The following MLF2 variants were observed in gnomAD, a reference collection of about 807,000 sequenced individuals.
MLF2 encodes myeloid leukemia factor 2.
MLF2 carries 12 observed loss-of-function variants against 31.4 expected under a neutral mutation model. That is an observed-to-expected ratio of 0.38 (90% CI 0.24 to 0.62). MLF2 has a LOEUF of 0.62. Ranked by LOEUF, MLF2 falls within the 20% of genes least tolerant of loss-of-function variation. The pLI, the probability that MLF2 is intolerant of heterozygous loss-of-function variation, is 0.58. For synonymous variants in MLF2, 109 were observed against 118.8 expected, an observed-to-expected ratio of 0.92 and a Z score of 0.54; for missense variants, 272 against 359.7, an observed-to-expected ratio of 0.76 and a Z score of 1.97.
rs1445595002 is a variant in MLF2, at chr12:6,752,949, T to A, written c.-39A>T. 4.4e-6 allele frequency: 1 copy of A among 227,412 alleles called. No individual in the cohort carries two copies. Among genetic ancestry groups the A allele is most frequent in the East Asian group, 8.6e-5 (1 of 11,616 alleles). The allele number at this position is 227,412 out of a possible 1,614,324, so 14.1% of individuals were successfully genotyped here. ...CTGCCCGAGCCTCACCAGTGCCCGATTCGGGCTCAGCGGCCCATCCGGCCG... is the reference window on the plus strand; with the variant it reads ...CTGCCCGAGCCTCACCAGTGCCCGAATCGGGCTCAGCGGCCCATCCGGCCG... On this transcript the variant is annotated 5_prime_UTR_variant, in exon 1 of 9. Transcript: ENST00000203630. This position sits in a 1 kb window ranked among gnomAD's most constrained non-coding sequence, Gnocchi z 4.6.
Position 6,750,856 on chromosome 12 carries a change from C to T in MLF2, c.217-90G>A, listed in dbSNP as rs1047714078. On this transcript the variant is annotated intron_variant, in intron 4 of 8. Coordinates refer to ENST00000203630, the MANE Select transcript of MLF2 (RefSeq NM_001382226.1). This position sits in a 1 kb window ranked among gnomAD's most constrained non-coding sequence, Gnocchi z 5.3. ...TAGGAACCCACAACCCACATGGCTG[C>T]ACATTTCCTTTCTCTTCTTCCTTCA... 5.1e-5 allele frequency: 57 copies of T among 1,120,658 alleles called. No homozygotes were observed. Among genetic ancestry groups the T allele is most frequent in the Admixed American group, 5.5e-5 (3 of 54,074 alleles). The allele number at this position is 1,120,658 out of a possible 1,614,324, so 69.4% of individuals were successfully genotyped here.
rs1219353614 is a variant in MLF2, at chr12:6,750,963, C to A, written c.217-197G>T. On this transcript the variant is annotated intron_variant, in intron 4 of 8. Transcript: ENST00000203630. This position sits in a 1 kb window ranked among gnomAD's most constrained non-coding sequence, Gnocchi z 5.3. ...CCTCCTGTGAACTGCTGACCCCTTCCTCAGTCTCTGTGACTGCTGTGATCC... is the reference window on the plus strand; with the variant it reads ...CCTCCTGTGAACTGCTGACCCCTTCATCAGTCTCTGTGACTGCTGTGATCC... 5.2e-6 allele frequency: 3 copies of A among 582,150 alleles called. No individual in the cohort carries two copies. The highest frequency in any genetic ancestry group is 9.4e-6 in the Non-Finnish European group (3 of 320,382). The allele number at this position is 582,150 out of a possible 1,614,324, so 36.1% of individuals were successfully genotyped here.
In MLF2 at chr12:6,749,385, C is replaced by T. The variant is rs1941575141; in HGVS notation, c.560-403G>A. ...AAGACACCGCCAGCACCTGACTCCG[C>T]CCGAGCGGAGGAGGCTCCAAGTGCG... On this transcript the variant is annotated intron_variant, in intron 7 of 8. Transcript: ENST00000203630. This position sits in a 1 kb window ranked among gnomAD's most constrained non-coding sequence, Gnocchi z 5.3. Among the ~76,000 whole-genome samples, 1 of 152,238 alleles carries T rather than the reference C, an allele frequency of 6.6e-6. No homozygotes were observed. Among genetic ancestry groups the T allele is most frequent in the Non-Finnish European group, 1.5e-5 (1 of 68,048 alleles).
At chr12:6,751,738 C>T (rs1339670345) in intron 3 of MLF2, 62 bp from the exon 4 acceptor site, 10 of 1,602,392 alleles carry the variant, frequency 6.2e-6, no homozygotes, top group African/African-American at 2.7e-5. Flanking sequence ...CAATCCCAAA[C>T]CAGGCCCATG....
At chr12:6,751,710 C>A in intron 3 of MLF2, 34 bp from the exon 4 acceptor site, 2 of 1,612,370 alleles carry the variant, frequency 1.2e-6, no homozygotes, top group Non-Finnish European at 1.7e-6. Context: ...AAATTAGAGA[C>A]CACATCCTAT....
Position 6,750,285 on chromosome 12 carries a change from G to T in MLF2, c.291C>A (p.Gly97=). The T allele has an allele frequency of 6.2e-7, 1 of 1,614,160 alleles. No individual in the cohort carries two copies. Among genetic ancestry groups the T allele is most frequent in the South Asian group, 1.1e-5 (1 of 91,070 alleles). ...TGGAAGATGAGAAGGTCTGGCAATT[G>T]CCTCCAGCTGTCATGTGTTCCTGAG... ...IGNMEHMTAG[G]NCQTFSSSTV... is the part of the protein sequence containing the mutation. Residue 97 remains glycine, a synonymous_variant, in exon 6 of 9, where the codon GGC becomes GGA. Coordinates refer to ENST00000203630, the MANE Select transcript of MLF2 (RefSeq NM_001382226.1). The surrounding 1 kb of genome is among the most constrained non-coding windows in gnomAD (Gnocchi z 5.3).
Position 6,749,713 on chromosome 12 carries a change from G to C in MLF2, c.559+135C>G, listed in dbSNP as rs539320125. On this transcript the variant is annotated intron_variant, in intron 7 of 8. Transcript: ENST00000203630. The surrounding 1 kb of genome is among the most constrained non-coding windows in gnomAD (Gnocchi z 5.3). The stretch of plus-strand genomic sequence containing the variant: ...CTGGGCACCTGGGCAACAAGAGCGA[G>C]ACTCCATCTCAAAAAAAAAAAAAAA... 6 of 1,215,480 alleles carry C rather than the reference G, an allele frequency of 4.9e-6. No individual in the cohort carries two copies. In the African/African-American group the frequency reaches 9.4e-5, roughly 19 times the overall value. 75.3% of individuals were successfully genotyped at this position (1,215,480 alleles called of 1,614,324 possible).
rs900643230 is a variant in MLF2, at chr12:6,750,895, C to A, written c.217-129G>T. ...CTTCTTCCTTCACATCTAGCAAGTTCTCTTTCTCATTCTGTTAAAATAACC... is the reference window on the plus strand; with the variant it reads ...CTTCTTCCTTCACATCTAGCAAGTTATCTTTCTCATTCTGTTAAAATAACC... On this transcript the variant is annotated intron_variant, in intron 4 of 8. Transcript: ENST00000203630. The surrounding 1 kb of genome is among the most constrained non-coding windows in gnomAD (Gnocchi z 5.3). The A allele has an allele frequency of 8.9e-6, 7 of 784,698 alleles. No homozygotes were observed. The highest frequency in any genetic ancestry group is 2.1e-5 in the Admixed American group (1 of 47,512). The allele number at this position is 784,698 out of a possible 1,614,324, so 48.6% of individuals were successfully genotyped here.
Position 6,753,021 on chromosome 12 carries a change from G to C in MLF2, c.-111C>G, listed in dbSNP as rs2137785299. ...CAGGGTCAGGGTCGCGGCCCGGAAC[G>C]TGGGGATTGGTCCGGGCTTGAGCTC... On this transcript the variant is annotated 5_prime_UTR_variant, in exon 1 of 9. Coordinates refer to ENST00000203630, the MANE Select transcript of MLF2 (RefSeq NM_001382226.1). The C allele has an allele frequency of 2.8e-6, 1 of 353,038 alleles. No homozygotes were observed. Among genetic ancestry groups the C allele is most frequent in the Admixed American group, 4.7e-5 (1 of 21,150 alleles). The allele number at this position is 353,038 out of a possible 1,614,324, so 21.9% of individuals were successfully genotyped here.
At position 6,748,949 on chromosome 12, in the gene MLF2, C is replaced by T. The variant is rs1227659910; in HGVS notation, c.593G>A (p.Arg198Gln). ...CTGCTGCCGGAATCGGGAGGTCTCCCGCCGCCACTCGTCATCAAACGCTGC... is the reference window on the plus strand; with the variant it reads ...CTGCTGCCGGAATCGGGAGGTCTCCTGCCGCCACTCGTCATCAAACGCTGC... Reference protein sequence around the residue: ...EAAAFDDEWRRETSRFRQQRP... With the variant: ...EAAAFDDEWRQETSRFRQQRP... The change falls in exon 8 of 9, where the codon CGG (arginine) becomes CAG (glutamine). Residue 198 changes from arginine to glutamine, a missense_variant. By Grantham distance (43) the Arg-to-Gln change is conservative. Coordinates refer to ENST00000203630, the MANE Select transcript of MLF2 (RefSeq NM_001382226.1). This position sits in a 1 kb window ranked among gnomAD's most constrained non-coding sequence, Gnocchi z 4.6. The T allele has an allele frequency of 1.1e-5, 17 of 1,601,208 alleles. No individual in the cohort carries two copies. Among genetic ancestry groups the T allele is most frequent in the South Asian group, 3.4e-5 (3 of 89,370 alleles).
Position 6,748,610 on chromosome 12 carries a change from G to A in MLF2, c.*26-63C>T, listed in dbSNP as rs909815704. On this transcript the variant is annotated intron_variant, in intron 8 of 8. Coordinates refer to ENST00000203630, the MANE Select transcript of MLF2 (RefSeq NM_001382226.1). The surrounding 1 kb of genome is among the most constrained non-coding windows in gnomAD (Gnocchi z 4.6). ...AAGAAAAAACTTACGTTAAGAGCCA[G>A]GAGTTGGGGTTTAATCCCCTATGTC... 2.0e-5 allele frequency: 11 copies of A among 545,564 alleles called. 1 individual carries two copies. The South Asian group carries it at 2.0e-4, about 10-fold the overall frequency. The allele number at this position is 545,564 out of a possible 1,614,324, so 33.8% of individuals were successfully genotyped here.
In MLF2 at chr12:6,749,879, C is replaced by T. The variant is rs1257858566; in HGVS notation, c.528G>A (p.Glu176=). Residue 176 remains glutamate, a synonymous_variant, in exon 7 of 9, where the codon GAG becomes GAA. Transcript: ENST00000203630. This position sits in a 1 kb window ranked among gnomAD's most constrained non-coding sequence, Gnocchi z 5.3. ...CCAGGTTGATATAGTCCTGCCGCTC[C>T]TCCTGGTCCCCCGTGCGATGGTTTC... ...RSRNHRTGDQ[E]ERQDYINLDE... is the part of the protein sequence containing the mutation. 6.2e-7 allele frequency: 1 copy of T among 1,614,214 alleles called. No homozygotes were observed. The highest frequency in any genetic ancestry group is 1.1e-5 in the South Asian group (1 of 91,084).
chr12:6,751,706 G>C (rs370183253), intron 3 of MLF2, 30 bp from the exon 4 acceptor site: 75 of 1,613,134 alleles, frequency 4.6e-5, no homozygotes, highest in Non-Finnish European at 6.2e-5. Context: ...ACAGAAATTA[G>C]AGACCACATC....
At position 6,750,066 on chromosome 12, in the gene MLF2, A is replaced by G; in HGVS notation, c.400-59T>C. 4 of 1,611,694 alleles carry G rather than the reference A, an allele frequency of 2.5e-6. No individual in the cohort carries two copies. The highest frequency in any genetic ancestry group is 3.4e-6 in the Non-Finnish European group (4 of 1,178,222). On this transcript the variant is annotated intron_variant, in intron 6 of 8. Transcript: ENST00000203630. The surrounding 1 kb of genome is among the most constrained non-coding windows in gnomAD (Gnocchi z 5.3). The stretch of plus-strand genomic sequence containing the variant: ...CCCCTTCCAAAGCCCTGCCTATACC[A>G]TCTCAGGATAAACACACCACACACA...
In MLF2 at chr12:6,750,262, G is replaced by A. The variant is rs1473210899; in HGVS notation, c.314C>T (p.Ser105Phe). The A allele has an allele frequency of 6.2e-7, 1 of 1,614,196 alleles. No homozygotes were observed. The highest frequency in any genetic ancestry group is 8.5e-7 in the Non-Finnish European group (1 of 1,180,034). The change falls in exon 6 of 9, where the codon TCC (serine) becomes TTC (phenylalanine). Residue 105 changes from serine to phenylalanine, a missense_variant. Coordinates refer to ENST00000203630, the MANE Select transcript of MLF2 (RefSeq NM_001382226.1). This position sits in a 1 kb window ranked among gnomAD's most constrained non-coding sequence, Gnocchi z 5.3. Reference protein sequence around the residue: ...AGGNCQTFSSSTVISYSNTGD... With the variant: ...AGGNCQTFSSFTVISYSNTGD... ...CGTATTGGAGTAGGAGATGACAGTG[G>A]AAGATGAGAAGGTCTGGCAATTGCC...
In MLF2 at chr12:6,752,097, T is replaced by A. The variant is rs1049197430; in HGVS notation, c.51-43A>T. 66 of 1,612,364 alleles carry A rather than the reference T, an allele frequency of 4.1e-5. No homozygotes were observed. Among genetic ancestry groups the A allele is most frequent in the Non-Finnish European group, 5.4e-5 (64 of 1,178,772 alleles). ...AGTATGGATGGCAGAAGCGCCAAACTGTCAATCCCTCCACCACCCTGCAAA... is the reference window on the plus strand; with the variant it reads ...AGTATGGATGGCAGAAGCGCCAAACAGTCAATCCCTCCACCACCCTGCAAA... On this transcript the variant is annotated intron_variant, in intron 2 of 8. Transcript: ENST00000203630. This position sits in a 1 kb window ranked among gnomAD's most constrained non-coding sequence, Gnocchi z 4.6.
intron 4 of MLF2, chr12:6,751,180 C>G (rs1048279664): frequency 3.0e-5 from 8 of 265,992 alleles, no homozygotes; most frequent in Admixed American, 1.0e-4. Flanking sequence ...CTTCCTAATG[C>G]GTATGAACTT....
In MLF2 at chr12:6,750,637, C is replaced by T; in HGVS notation, c.270+76G>A. ...CCCTTCACTAGCATACTGTTTCCCT[C>T]TTGCCTTAGAGGATGCAAGGTGTTG... On this transcript the variant is annotated intron_variant, in intron 5 of 8. Coordinates refer to ENST00000203630, the MANE Select transcript of MLF2 (RefSeq NM_001382226.1). The surrounding 1 kb of genome is among the most constrained non-coding windows in gnomAD (Gnocchi z 5.3). 1 of 1,489,010 alleles carries T rather than the reference C, an allele frequency of 6.7e-7. No individual in the cohort carries two copies. The highest frequency in any genetic ancestry group is 1.1e-5 in the South Asian group (1 of 87,364). 92.2% of individuals were successfully genotyped at this position (1,489,010 alleles called of 1,614,324 possible).
chr12:6,750,398 C>A lies in MLF2; in HGVS notation c.271-93G>T. On this transcript the variant is annotated intron_variant, in intron 5 of 8. Transcript: ENST00000203630. The surrounding 1 kb of genome is among the most constrained non-coding windows in gnomAD (Gnocchi z 5.3). Reference sequence around the variant, plus strand: ...TTCAGCTGCCTGTTCTAGCCTGTATCTTTCTCACAAAATGCAAGAACTGAA... The same window carrying A: ...TTCAGCTGCCTGTTCTAGCCTGTATATTTCTCACAAAATGCAAGAACTGAA... The A allele has an allele frequency of 6.8e-7, 1 of 1,464,154 alleles. No individual in the cohort carries two copies. 90.7% of individuals were successfully genotyped at this position (1,464,154 alleles called of 1,614,324 possible).
Sources: gnomAD v4.1 joint callset for allele counts (sites outside exome capture counted in the v4.1 genomes callset) on GRCh38, gnomAD v4.1.1 for gene constraint, Gnocchi (gnomAD v3.1) non-coding constraint, MANE v1.5 for transcripts, NCBI Gene and HGNC (gene_info 2026-07-23, HGNC 2026-07-21) for gene names.